Variants in KCND2 observed in about 807,000 individuals in gnomAD.
The protein encoded by KCND2 is potassium voltage-gated channel subfamily D member 2.
In KCND2, 16 loss-of-function variants were observed where a neutral mutation model predicts 54.4. That is an observed-to-expected ratio of 0.29 (90% confidence interval 0.20 to 0.45). KCND2 has a LOEUF of 0.45. Ranked by LOEUF, KCND2 falls within the 20% of genes least tolerant of loss-of-function variation. KCND2 has a pLI of 1.00. For missense variants in KCND2, 486 were observed against 824.2 expected (o/e 0.59, Z 5.02); for synonymous variants, 317 against 310.7 (o/e 1.02, Z -0.21).
At chr7:120,638,865 G>A (rs1052787135) in intron 1 of KCND2, among the ~76,000 whole-genome samples, 3 of 152,038 alleles carry the variant, frequency 2.0e-5, no homozygotes, top group African/African-American at 7.2e-5. Context: ...TACACCTATT[G>A]TTGATAGAGG....
intron 1 of KCND2, among the ~76,000 whole-genome samples, chr7:120,727,042 T>G (rs920843038): frequency 6.6e-6 from 1 of 152,206 alleles, no homozygotes; most frequent in Non-Finnish European, 1.5e-5. Flanking sequence ...GGACATACTT[T>G]CAGAGATGGA....
At position 120,634,549 on chromosome 7, in the gene KCND2, C is replaced by T. The variant is rs570477765; in HGVS notation, c.1116-98354C>T. Among the ~76,000 whole-genome samples, 17 of 152,196 alleles carry T rather than the reference C, an allele frequency of 1.1e-4. No individual in the cohort carries two copies. The South Asian group carries it at 3.3e-3, about 30-fold the overall frequency. On this transcript the variant is annotated intron_variant, in intron 1 of 5. Transcript: ENST00000331113. ...ACCTCCCTCAACTCACTTGCCGTGCCCTGTTCACCCCAAACCTGTTGCATG... is the reference window on the plus strand; with the variant it reads ...ACCTCCCTCAACTCACTTGCCGTGCTCTGTTCACCCCAAACCTGTTGCATG...
chr7:120,466,495 G>T (rs1802371220), intron 1 of KCND2, among the ~76,000 whole-genome samples: 1 of 152,010 alleles, frequency 6.6e-6, no homozygotes, highest in Non-Finnish European at 1.5e-5. Flanking sequence ...ATACTTCCAG[G>T]TATGTCCTGG....
At chr7:120,462,390 C>G (rs1802296677) in intron 1 of KCND2, among the ~76,000 whole-genome samples, 1 of 152,084 alleles carries the variant, frequency 6.6e-6, no homozygotes, top group Non-Finnish European at 1.5e-5. Flanking sequence ...CCACTCAACT[C>G]TCTTGTACAA....
chr7:120,354,707 C>T (rs1380140545), intron 1 of KCND2, among the ~76,000 whole-genome samples: 1 of 152,086 alleles, frequency 6.6e-6, no homozygotes, highest in African/African-American at 2.4e-5. Context: ...GCTATGATGG[C>T]GCCACTGCGG....
intron 1 of KCND2, among the ~76,000 whole-genome samples, chr7:120,326,141 A>G (rs1028917437): frequency 5.3e-4 from 81 of 152,078 alleles, no homozygotes; most frequent in Non-Finnish European, 5.9e-5. Context: ...ATATTGAGTA[A>G]ATATAGAACA....
intron 1 of KCND2, among the ~76,000 whole-genome samples, chr7:120,542,209 G>A (rs1791987710): frequency 6.6e-6 from 1 of 151,958 alleles, no homozygotes; most frequent in Non-Finnish European, 1.5e-5. Flanking sequence ...TCAATATATT[G>A]GATTAGATTC....
intron 1 of KCND2, among the ~76,000 whole-genome samples, chr7:120,524,102 G>A (rs922863202): frequency 5.9e-5 from 9 of 151,912 alleles, no homozygotes; most frequent in Middle Eastern, 3.2e-3. Context: ...GGGCGTGGTG[G>A]GATGTGCCTG....
Position 120,418,870 on chromosome 7 carries a change from TTTAAC to T in KCND2, c.1115+143125_1115+143129del, listed in dbSNP as rs1360968751. Among the ~76,000 whole-genome samples, 4 of 152,306 alleles carry T rather than the reference TTTAAC, an allele frequency of 2.6e-5. No individual in the cohort carries two copies. The East Asian group carries it at 7.7e-4, about 29-fold the overall frequency. On this transcript the variant is annotated intron_variant, in intron 1 of 5. Transcript: ENST00000331113. Reference sequence around the variant, plus strand: ...CCAAACAAATACATTGTTTTGATATTTTAACTATTGCTGGAACAAAGCATTAAGTT... The same window carrying T: ...CCAAACAAATACATTGTTTTGATATTTATTGCTGGAACAAAGCATTAAGTT...
chr7:120,335,528 C>T (rs1053845821), intron 1 of KCND2, among the ~76,000 whole-genome samples: 1 of 148,502 alleles, frequency 6.7e-6, no homozygotes, highest in African/African-American at 2.5e-5. Context: ...GCTCTGTCGC[C>T]CAGGCTGGAG....
intron 1 of KCND2, among the ~76,000 whole-genome samples, chr7:120,346,532 TTGACATAATAAA>T (rs1317537831): frequency 6.6e-6 from 1 of 152,186 alleles, no homozygotes; most frequent in Non-Finnish European, 1.5e-5. Context: ...TTGGTGCTTC[TTGACATAATAAA>T]AACAAAGACA....
intron 1 of KCND2, among the ~76,000 whole-genome samples, chr7:120,345,738 A>T (rs1271692212): frequency 6.6e-6 from 1 of 150,624 alleles, no homozygotes. Context: ...TTGTTTATAC[A>T]TTTATCCATA....
intron 1 of KCND2, among the ~76,000 whole-genome samples, chr7:120,626,037 T>C (rs552181968): frequency 1.3e-5 from 2 of 152,254 alleles, no homozygotes; most frequent in South Asian, 2.1e-4. Context: ...TTTTCAATTA[T>C]TCTAAGAACA....
chr7:120,454,287 TA>T (rs2116224603), intron 1 of KCND2, among the ~76,000 whole-genome samples: 1 of 151,972 alleles, frequency 6.6e-6, no homozygotes, highest in African/African-American at 2.4e-5. Context: ...TTTAAAATAA[TA>T]AATATGATTG....
At position 120,659,500 on chromosome 7, in the gene KCND2, G is replaced by A. The variant is rs546751456; in HGVS notation, c.1116-73403G>A. On this transcript the variant is annotated intron_variant, in intron 1 of 5. Coordinates refer to ENST00000331113, the MANE Select transcript of KCND2 (RefSeq NM_012281.3). ...GAATTATGTGTCATATTTAAATTCC[G>A]TATATACAATAGTGGAAAATTACTG... 5.9e-4 allele frequency among the ~76,000 whole-genome samples: 90 copies of A among 152,248 alleles called. 1 individual carries two copies. The South Asian group carries it at 7.0e-3, about 12-fold the overall frequency.
intron 1 of KCND2, among the ~76,000 whole-genome samples, chr7:120,731,381 A>G (rs1390357234): frequency 6.6e-6 from 1 of 152,236 alleles, no homozygotes; most frequent in Non-Finnish European, 1.5e-5. Context: ...AGGTGGCCAG[A>G]AAATCACTTG....
intron 1 of KCND2, among the ~76,000 whole-genome samples, chr7:120,692,123 G>C (rs1044394927): frequency 3.3e-5 from 5 of 152,306 alleles, no homozygotes; most frequent in Admixed American, 2.6e-4. Flanking sequence ...TTCTTTCAAG[G>C]AATGTGCTGT....
intron 1 of KCND2, among the ~76,000 whole-genome samples, chr7:120,405,764 G>A (rs936421515): frequency 1.3e-5 from 2 of 152,016 alleles, no homozygotes; most frequent in Middle Eastern, 3.2e-3. Context: ...GGACTAATTT[G>A]TCTTTCTAAA....
intron 1 of KCND2, among the ~76,000 whole-genome samples, chr7:120,460,867 A>G (rs944828039): frequency 1.3e-5 from 2 of 152,208 alleles, no homozygotes; most frequent in Non-Finnish European, 2.9e-5. Context: ...TACAAATTCA[A>G]CCAAGAAATG....
Sources: allele counts gnomAD v4.1 joint callset (sites outside exome capture counted in the v4.1 genomes callset), GRCh38; gene constraint gnomAD v4.1.1; transcripts MANE v1.5; gene names NCBI Gene and HGNC (gene_info 2026-07-23, HGNC 2026-07-21).